The following TULP4 variants were observed in gnomAD, a reference collection of about 807,000 sequenced individuals.
TULP4 encodes the protein TUB like protein 4, also known as tubby-related protein 4.
Under a neutral mutation model 129.0 loss-of-function variants are expected in TULP4, and 16 were observed. The ratio of observed to expected loss-of-function variants is 0.12; its 90% confidence interval spans 0.08 to 0.19. The LOEUF (loss-of-function observed/expected upper bound fraction) is 0.19. Among genes scored for constraint, TULP4 ranks in the 10% least tolerant of loss-of-function variants. The probability of loss-of-function intolerance (pLI) is 1.00; values close to 1 mark genes in which losing one functional copy is unlikely to be tolerated. For missense variants in TULP4, 1,842 were observed against 2,059.1 expected (o/e 0.89, Z 2.04); for synonymous variants, 998 against 854.0 (o/e 1.17, Z -2.94).
At chr6:158,497,780 C>T (rs995748918) in intron 11 of TULP4, among the ~76,000 whole-genome samples, 1 of 152,316 alleles carries the variant, frequency 6.6e-6, no homozygotes, top group Non-Finnish European at 1.5e-5. Flanking sequence ...GGGCCAGCCC[C>T]GCAAAGATGC....
intron 3 of TULP4, among the ~76,000 whole-genome samples, chr6:158,439,448 C>T (rs1383925001): frequency 6.6e-6 from 1 of 151,888 alleles, no homozygotes; most frequent in Non-Finnish European, 1.5e-5. Flanking sequence ...CCTCCCTAAG[C>T]AGTTCTCACC....
intron 1 of TULP4, among the ~76,000 whole-genome samples, chr6:158,240,243 C>T (rs1422732657): frequency 2.9e-4 from 19 of 65,418 alleles, no homozygotes; most frequent in East Asian, 6.5e-4. Context: ...CCCTCCCGGA[C>T]GGGGCGGCTG....
intron 6 of TULP4, among the ~76,000 whole-genome samples, chr6:158,477,875 G>T (rs1022539283): frequency 6.6e-6 from 1 of 152,162 alleles, no homozygotes; most frequent in Non-Finnish European, 1.5e-5. Flanking sequence ...ATCAGCAGTA[G>T]ACTGGATAAA....
At chr6:158,352,707 C>G (rs1780553623) in intron 1 of TULP4, among the ~76,000 whole-genome samples, 1 of 152,154 alleles carries the variant, frequency 6.6e-6, no homozygotes, top group South Asian at 2.1e-4. Flanking sequence ...GATACTGGTT[C>G]TTTAACTTTT....
intron 1 of TULP4, among the ~76,000 whole-genome samples, chr6:158,398,842 T>C (rs1487999304): frequency 6.6e-6 from 1 of 152,246 alleles, no homozygotes; most frequent in African/African-American, 2.4e-5. Context: ...TACTGGTATT[T>C]GCTTTGTTTT....
At chr6:158,246,907 G>T (rs1417959173) in intron 1 of TULP4, among the ~76,000 whole-genome samples, 2 of 152,218 alleles carry the variant, frequency 1.3e-5, no homozygotes, top group African/African-American at 4.8e-5. Flanking sequence ...ATAGAGTGTA[G>T]GAAGTTATTC....
intron 13 of TULP4, among the ~76,000 whole-genome samples, chr6:158,504,652 A>G (rs2128266405): frequency 8.7e-6 from 1 of 114,368 alleles, no homozygotes; most frequent in East Asian, 2.2e-4. Flanking sequence ...TACCACGCCC[A>G]GCCCTAATTT....
intron 1 of TULP4, among the ~76,000 whole-genome samples, chr6:158,255,638 A>C (rs1320655380): frequency 6.6e-6 from 1 of 152,222 alleles, no homozygotes; most frequent in Non-Finnish European, 1.5e-5. Context: ...TGGTCTGAGC[A>C]TGAAGCCAAC....
chr6:158,309,451 CG>C (rs1166290546), upstream of TULP4, among the ~76,000 whole-genome samples: 16 of 132,376 alleles, frequency 1.2e-4, no homozygotes, highest in African/African-American at 3.7e-4. Context: ...AGACGATGGG[CG>C]GCCAGGCAGA....
At chr6:158,482,486 T>C (rs576915104) in intron 8 of TULP4, among the ~76,000 whole-genome samples, 1 of 152,060 alleles carries the variant, frequency 6.6e-6, no homozygotes, top group Non-Finnish European at 1.5e-5. Context: ...ACTAGCAGAA[T>C]TGGGGCTGGT....
At chr6:158,298,224 A>G (rs533260589) in intron 1 of TULP4, among the ~76,000 whole-genome samples, 38 of 152,262 alleles carry the variant, frequency 2.5e-4, no homozygotes, top group Non-Finnish European at 4.0e-4. Context: ...CATATTGTTC[A>G]AACACACATG....
intron 1 of TULP4, among the ~76,000 whole-genome samples, chr6:158,305,019 A>G (rs867688884): frequency 6.6e-6 from 1 of 152,010 alleles, no homozygotes; most frequent in African/African-American, 2.4e-5. Context: ...GTACATTCAC[A>G]TTATTTTGCA....
intron 1 of TULP4, among the ~76,000 whole-genome samples, chr6:158,330,109 T>C (rs144996550): frequency 1.4e-5 from 2 of 145,970 alleles, no homozygotes; most frequent in East Asian, 2.0e-4. Flanking sequence ...GTAATCGATA[T>C]ACAAACTACT....
chr6:158,328,556 A>G (rs1350926049), intron 1 of TULP4, among the ~76,000 whole-genome samples: 1 of 152,114 alleles, frequency 6.6e-6, no homozygotes, highest in Non-Finnish European at 1.5e-5. Flanking sequence ...AGAATTGCCT[A>G]GTTACATCTC....
chr6:158,380,540 G>C (rs113842124), intron 1 of TULP4, among the ~76,000 whole-genome samples: 1 of 150,470 alleles, frequency 6.6e-6, no homozygotes. Context: ...TAGACTTGGG[G>C]GCTTACACAG....
At chr6:158,302,991 G>A (rs905693395) in intron 1 of TULP4, among the ~76,000 whole-genome samples, 6 of 149,892 alleles carry the variant, frequency 4.0e-5, no homozygotes, top group Admixed American at 1.3e-4. Context: ...GGATGTTTAC[G>A]CCAGGAGGAA....
chr6:158,342,806 T>G (rs1220155223), intron 1 of TULP4, among the ~76,000 whole-genome samples: 2 of 152,188 alleles, frequency 1.3e-5, no homozygotes, highest in Non-Finnish European at 2.9e-5. Flanking sequence ...AAAAATCATA[T>G]AGGGCTGTTG....
chr6:158,308,647 C>A (rs1311811765), upstream of TULP4, among the ~76,000 whole-genome samples: 4 of 149,444 alleles, frequency 2.7e-5, no homozygotes, highest in African/African-American at 7.4e-5. Context: ...CCCCCACCTC[C>A]CTCTCGGACG....
chr6:158,377,778 A>G (rs1562541513), intron 1 of TULP4, among the ~76,000 whole-genome samples: 1 of 152,200 alleles, frequency 6.6e-6, no homozygotes, highest in Non-Finnish European at 1.5e-5. Flanking sequence ...CAGAGACTCA[A>G]GTACTAGGAA....
Sources: gnomAD v4.1 joint callset for allele counts (sites outside exome capture counted in the v4.1 genomes callset) on GRCh38, gnomAD v4.1.1 for gene constraint, MANE v1.5 for transcripts, NCBI Gene and HGNC (gene_info 2026-07-23, HGNC 2026-07-21) for gene names.